The following STX5 variants were observed in gnomAD, a reference collection of about 807,000 sequenced individuals.
The protein encoded by STX5 is syntaxin 5, also known as syntaxin-5.
In STX5, 15 loss-of-function variants were observed where a neutral mutation model predicts 42.9. That is an observed-to-expected ratio of 0.35 (90% CI 0.23 to 0.54). The LOEUF (loss-of-function observed/expected upper bound fraction) is 0.54. Among genes scored for constraint, STX5 ranks in the 20% least tolerant of loss-of-function variants. STX5 has a pLI of 0.91. For missense variants in STX5, 430 were observed against 455.0 expected (o/e 0.95, Z 0.50); for synonymous variants, 184 against 173.2 (o/e 1.06, Z -0.49).
chr11:62,807,719 C>A, intron 10 of STX5, 91 bp from the exon 11 acceptor site: 1 of 1,552,694 alleles, frequency 6.4e-7, no homozygotes, highest in South Asian at 1.2e-5. Context: ...GAAAGATGGT[C>A]ACAATATGAT....
At chr11:62,825,168 T>C in intron 7 of STX5, 51 bp from the exon 8 acceptor site, 1 of 1,612,032 alleles carries the variant, frequency 6.2e-7, no homozygotes, top group Non-Finnish European at 8.5e-7. Flanking sequence ...AAAGCAGGCA[T>C]GTTAAAGAGA....
chr11:62,825,641 AC>A (rs2084787843), intron 5 of STX5, 102 bp from the exon 6 acceptor site: 1 of 1,050,608 alleles, frequency 9.5e-7, no homozygotes, highest in African/African-American at 1.6e-5. Context: ...GGTGGAAGTT[AC>A]TAGCCAGAGT....
intron 10 of STX5, among the ~76,000 whole-genome samples, chr11:62,808,595 T>A (rs976443614): frequency 2.6e-5 from 4 of 152,022 alleles, no homozygotes; most frequent in African/African-American, 7.2e-5. Context: ...ACTAAAAAAA[T>A]AATAATAAAT....
In STX5 at chr11:62,825,019, T is replaced by A. The variant is rs1565214006; in HGVS notation, c.679+17A>T. 2 of 1,613,340 alleles carry A rather than the reference T, an allele frequency of 1.2e-6. No homozygotes were observed. Among genetic ancestry groups the A allele is most frequent in the Non-Finnish European group, 8.5e-7 (1 of 1,179,716 alleles). On this transcript the variant is annotated intron_variant, in intron 8 of 10. Transcript: ENST00000294179. Reference sequence around the variant, plus strand: ...TAACCTTACCTCCCAGGGCTCCCCGTTTTACCTGTGACTTACCCAGGTGGT... The same window carrying A: ...TAACCTTACCTCCCAGGGCTCCCCGATTTACCTGTGACTTACCCAGGTGGT...
At chr11:62,809,866 G>A (rs1565206402) in intron 10 of STX5, among the ~76,000 whole-genome samples, 1 of 151,716 alleles carries the variant, frequency 6.6e-6, no homozygotes. Flanking sequence ...CACTCTGGGA[G>A]GCTGAGGTGG....
intron 8 of STX5, 112 bp from the exon 9 acceptor site, chr11:62,824,677 A>G: frequency 9.9e-7 from 1 of 1,007,612 alleles, no homozygotes. Flanking sequence ...GTGACCCTGG[A>G]CAGGTCATTT....
At chr11:62,818,180 G>T (rs2084696247) in intron 10 of STX5, among the ~76,000 whole-genome samples, 2 of 150,046 alleles carry the variant, frequency 1.3e-5, no homozygotes, top group Admixed American at 1.3e-4. Flanking sequence ...AGGAGGCAGA[G>T]GTTGCAGTGA....
chr11:62,807,606 C>A lies in STX5; in HGVS notation c.931G>T (p.Ala311Ser), dbSNP rs2084567036. The A allele has an allele frequency of 1.2e-6, 2 of 1,614,068 alleles. No homozygotes were observed. Among genetic ancestry groups the A allele is most frequent in the East Asian group, 4.5e-5 (2 of 44,880 alleles). Residue 311 changes from alanine to serine, a missense_variant, in exon 11 of 11, where the codon GCC becomes TCC. By Grantham distance (99) the Ala-to-Ser change is moderately conservative. Coordinates refer to ENST00000294179, the MANE Select transcript of STX5 (RefSeq NM_003164.5). ...TGGGCGGCCTCAACGTCCAGCTGGG[C>A]TCCTAGCACGTTCTCGTCGATCCTG... ...IQRIDENVLG[A>S]QLDVEAAHSE...
chr11:62,809,061 G>A (rs1408957429), intron 10 of STX5, among the ~76,000 whole-genome samples: 5 of 152,024 alleles, frequency 3.3e-5, no homozygotes, highest in Admixed American at 1.3e-4. Flanking sequence ...GGCCGAGGCA[G>A]GCCGATCACG....
intron 10 of STX5, among the ~76,000 whole-genome samples, chr11:62,820,918 T>C (rs1317792099): frequency 6.6e-6 from 1 of 152,228 alleles, no homozygotes; most frequent in African/African-American, 2.4e-5. Flanking sequence ...GCTGCTCTTC[T>C]TGCTATATGT....
intron 10 of STX5, among the ~76,000 whole-genome samples, chr11:62,812,589 T>G (rs556960827): frequency 6.6e-6 from 1 of 151,842 alleles, no homozygotes; most frequent in East Asian, 2.0e-4. Context: ...CGGCTAATTT[T>G]TTTGTATTTT....
intron 10 of STX5, among the ~76,000 whole-genome samples, chr11:62,822,575 T>A (rs987893727): frequency 2.0e-5 from 3 of 152,076 alleles, no homozygotes; most frequent in African/African-American, 7.2e-5. Flanking sequence ...TCTATGTAGC[T>A]AATTTCCTCA....
At chr11:62,831,565 G>A (rs750020001) in intron 1 of STX5, among the ~76,000 whole-genome samples, 3 of 152,108 alleles carry the variant, frequency 2.0e-5, no homozygotes, top group African/African-American at 7.2e-5. Flanking sequence ...GGCCCGGCCC[G>A]TGTAACTGCC....
chr11:62,818,009 C>T (rs12288417), intron 10 of STX5, among the ~76,000 whole-genome samples: 3,934 of 152,006 alleles, frequency 0.026, 185 homozygotes, highest in African/African-American at 0.091. Flanking sequence ...TGGTGGCTCA[C>T]GTGGTGGGCG....
chr11:62,825,924 C>A (rs1169185582), intron 5 of STX5, among the ~76,000 whole-genome samples: 1 of 152,172 alleles, frequency 6.6e-6, no homozygotes, highest in East Asian at 1.9e-4. Flanking sequence ...AGGGAAGAGT[C>A]AAAGGCACTG....
At chr11:62,824,143 T>TG (rs1424823045) in intron 10 of STX5, 23 bp downstream of exon 10, 2 of 1,614,142 alleles carry the variant, frequency 1.2e-6, no homozygotes, top group Non-Finnish European at 1.7e-6. Context: ...CTCCTCTGTT[T>TG]GGGGCGAGAG....
chr11:62,824,661 A>G, intron 8 of STX5, 96 bp from the exon 9 acceptor site: 1 of 1,180,512 alleles, frequency 8.5e-7, no homozygotes, highest in Non-Finnish European at 1.2e-6. Flanking sequence ...AGCACTTACT[A>G]GCCTTGTGAC....
At chr11:62,829,443 T>TAAATAAAC (rs2084831669) in intron 2 of STX5, among the ~76,000 whole-genome samples, 1 of 151,054 alleles carries the variant, frequency 6.6e-6, no homozygotes, top group South Asian at 2.1e-4. Context: ...AATAAATAAA[T>TAAATAAAC]AAATAAATAA....
At chr11:62,824,915 A>T in intron 8 of STX5, 121 bp downstream of exon 8, 1 of 972,388 alleles carries the variant, frequency 1.0e-6, no homozygotes, top group Middle Eastern at 2.1e-4. Flanking sequence ...TCTGAGAGAT[A>T]AAGCCTAGAA....
Sources: allele counts gnomAD v4.1 joint callset (sites outside exome capture counted in the v4.1 genomes callset), GRCh38; gene constraint gnomAD v4.1.1; transcripts MANE v1.5; gene names NCBI Gene and HGNC (gene_info 2026-07-23, HGNC 2026-07-21).